Variants in TRPM1 observed in about 807,000 individuals in gnomAD.
The protein encoded by TRPM1 is transient receptor potential cation channel subfamily M member 1.
TRPM1 carries 113 observed loss-of-function variants against 149.4 expected under a neutral mutation model. The ratio of observed to expected loss-of-function variants is 0.76; its 90% CI spans 0.65 to 0.88. TRPM1 has a LOEUF of 0.88. Ranked by LOEUF, TRPM1 falls within the 40% of genes least tolerant of loss-of-function variation. The probability of loss-of-function intolerance (pLI) is 0.00; values close to 1 mark genes in which losing one functional copy is unlikely to be tolerated. For synonymous variants in TRPM1, 741 were observed against 759.5 expected (o/e 0.98, Z 0.40); for missense variants, 1,976 against 2,038.7 (o/e 0.97, Z 0.59).
intron 3 of TRPM1, among the ~76,000 whole-genome samples, chr15:31,074,441 G>C (rs1169873414): frequency 2.0e-5 from 3 of 151,928 alleles, no homozygotes; most frequent in Non-Finnish European, 2.9e-5. Flanking sequence ...ATATTTCTCA[G>C]AATTTTCCCA....
In TRPM1 at chr15:31,040,360, G is replaced by C. The variant is rs1348111030; in HGVS notation, c.2088-14C>G. ...TGGCCGAAGTCTCTGGGGGGAAAGAGAAGGGACCAGGGTGAAGCCACAGTG... is the reference window on the plus strand; with the variant it reads ...TGGCCGAAGTCTCTGGGGGGAAAGACAAGGGACCAGGGTGAAGCCACAGTG... On this transcript the variant is annotated splice_polypyrimidine_tract_variant and intron_variant, in intron 17 of 27. Coordinates refer to ENST00000256552, the MANE Select transcript of TRPM1 (RefSeq NM_001252024.2). This position sits in a 1 kb window ranked among gnomAD's most constrained non-coding sequence, Gnocchi z 4.2. 6.2e-7 allele frequency: 1 copy of C among 1,612,450 alleles called. No homozygotes were observed. Among genetic ancestry groups the C allele is most frequent in the South Asian group, 1.1e-5 (1 of 91,054 alleles).
rs12902840 is a variant in TRPM1 at position 31,060,780 on chromosome 15, C to T, written c.1163-136G>A. The stretch of plus-strand genomic sequence containing the variant: ...AAGCATTGCTGGCTTTGCTCTTGCC[C>T]TGAATGACCACAAAGGCTCCGAGCT... On this transcript the variant is annotated intron_variant, in intron 10 of 27. Transcript: ENST00000256552. The T allele has an allele frequency of 0.091, 68,423 of 751,324 alleles. 3,726 individuals carry two copies. Among genetic ancestry groups the T allele is most frequent in the Middle Eastern group, 0.11 (349 of 3,158 alleles). 46.5% of individuals were successfully genotyped at this position (751,324 alleles called of 1,614,324 possible). A position where few individuals can be genotyped will look rare whatever the true frequency, so the allele number is the denominator to read the frequency against.
intron 1 of TRPM1, among the ~76,000 whole-genome samples, chr15:31,110,222 TA>T (rs916691236): frequency 3.3e-5 from 5 of 152,144 alleles, no homozygotes; most frequent in Admixed American, 3.3e-4. Flanking sequence ...AGTGGTAGGT[TA>T]AAAAAATCTT....
chr15:31,107,515 T>C (rs1307063778), intron 1 of TRPM1, among the ~76,000 whole-genome samples: 1 of 152,176 alleles, frequency 6.6e-6, no homozygotes, highest in African/African-American at 2.4e-5. Flanking sequence ...AATCAACTTT[T>C]GGTTTCATTA....
At chr15:31,049,606 C>T (rs527695981) in intron 12 of TRPM1, 97 bp from the exon 13 acceptor site, 2 of 1,400,682 alleles carry the variant, frequency 1.4e-6, no homozygotes, top group African/African-American at 2.8e-5. Flanking sequence ...TTCCGAACGC[C>T]AGATTCCAGA....
At chr15:31,070,340 C>A in intron 3 of TRPM1, 114 bp from the exon 4 acceptor site, 1 of 1,003,070 alleles carries the variant, frequency 1.0e-6, no homozygotes, top group Non-Finnish European at 1.6e-6. Context: ...AGCCTACTAA[C>A]ACTTCAGTAA....
chr15:31,122,579 A>G (rs2035895125), intron 1 of TRPM1, among the ~76,000 whole-genome samples: 1 of 152,216 alleles, frequency 6.6e-6, no homozygotes, highest in African/African-American at 2.4e-5. Context: ...TATCTTTTAC[A>G]CTAGTACCAA....
chr15:31,036,579 C>T (rs996556152), intron 20 of TRPM1, among the ~76,000 whole-genome samples: 2 of 152,160 alleles, frequency 1.3e-5, no homozygotes, highest in Non-Finnish European at 2.9e-5. Context: ...CTAATCCCTG[C>T]GAAGCTGCAC....
chr15:31,047,991 G>GC, intron 13 of TRPM1, 52 bp from the exon 14 acceptor site: 3 of 1,520,512 alleles, frequency 2.0e-6, no homozygotes, highest in Non-Finnish European at 2.7e-6. Flanking sequence ...GGCCAGGCGC[G>GC]GTGGCTCACG....
intron 21 of TRPM1, 37 bp downstream of exon 21, chr15:31,035,509 C>A (rs372921807): frequency 1.2e-6 from 2 of 1,613,600 alleles, no homozygotes; most frequent in Non-Finnish European, 1.7e-6. Flanking sequence ...TTGCAGTCAG[C>A]GGTTAGTGGG....
At chr15:31,051,148 A>T (rs1195884220) in intron 11 of TRPM1, among the ~76,000 whole-genome samples, 1 of 152,084 alleles carries the variant, frequency 6.6e-6, no homozygotes, top group Non-Finnish European at 1.5e-5. Flanking sequence ...AGACTCATTC[A>T]TCAAGGGGAG....
chr15:31,086,378 C>T (rs1023981994), intron 1 of TRPM1, among the ~76,000 whole-genome samples: 1 of 152,286 alleles, frequency 6.6e-6, no homozygotes, highest in Admixed American at 6.5e-5. Flanking sequence ...TTTACAGAGT[C>T]ACATGGAGAT....
intron 1 of TRPM1, among the ~76,000 whole-genome samples, chr15:31,116,839 G>A (rs2035804219): frequency 6.6e-6 from 1 of 152,074 alleles, no homozygotes; most frequent in Non-Finnish European, 1.5e-5. Context: ...TGTAATCCCT[G>A]GCCAGATAAA....
At chr15:31,046,119 C>T (rs535198993) in intron 16 of TRPM1, 85 bp downstream of exon 16, 47 of 1,362,028 alleles carry the variant, frequency 3.5e-5, no homozygotes, top group African/African-American at 2.7e-4. Flanking sequence ...TGAGTAGTAT[C>T]GTATATTCGC....
At position 31,037,856 on chromosome 15, in the gene TRPM1, CA is replaced by C; in HGVS notation, c.2440-15del. The C allele has an allele frequency of 6.2e-7, 1 of 1,613,968 alleles. No homozygotes were observed. On this transcript the variant is annotated splice_polypyrimidine_tract_variant and intron_variant, in intron 19 of 27. Transcript: ENST00000256552. ...TGCATTTGCATCCTGGAAAACAGAGCACAGCACATGACAGGCAGGTGGCTAA... is the reference window on the plus strand; with the variant it reads ...TGCATTTGCATCCTGGAAAACAGAGCCAGCACATGACAGGCAGGTGGCTAA...
At chr15:31,158,277 C>T (rs1172119830) in intron 1 of TRPM1, among the ~76,000 whole-genome samples, 1 of 151,918 alleles carries the variant, frequency 6.6e-6, no homozygotes, top group Non-Finnish European at 1.5e-5. Context: ...GCTTGGATCT[C>T]GTGCAAGAAA....
intron 4 of TRPM1, among the ~76,000 whole-genome samples, chr15:31,068,714 A>G (rs1444477822): frequency 7.4e-6 from 1 of 134,750 alleles, no homozygotes; most frequent in Non-Finnish European, 1.5e-5. Flanking sequence ...ATTGCATTCC[A>G]GCCTGGGCAA....
At chr15:31,027,538 G>A (rs529016721) in intron 25 of TRPM1, among the ~76,000 whole-genome samples, 8 of 152,144 alleles carry the variant, frequency 5.3e-5, no homozygotes, top group South Asian at 4.2e-4. Context: ...TTGAAGGTTC[G>A]TTATTTTGGA....
At chr15:31,146,551 CA>C (rs1330331034) in intron 1 of TRPM1, among the ~76,000 whole-genome samples, 1 of 152,202 alleles carries the variant, frequency 6.6e-6, no homozygotes, top group Non-Finnish European at 1.5e-5. Flanking sequence ...CCAAACACGC[CA>C]ATTTCAGTCT....
Sources: allele counts gnomAD v4.1 joint callset (sites outside exome capture counted in the v4.1 genomes callset), GRCh38; gene constraint gnomAD v4.1.1; non-coding constraint Gnocchi (gnomAD v3.1); transcripts MANE v1.5; gene names NCBI Gene and HGNC (gene_info 2026-07-23, HGNC 2026-07-21).